Variants in PSAP observed in about 807,000 individuals in gnomAD.
The protein encoded by PSAP is precursor of saposins.
In PSAP, 25 loss-of-function variants were observed where a neutral mutation model predicts 66.0. The observed-to-expected ratio is 0.38, with a 90% CI of 0.28 to 0.53. The LOEUF is 0.53. Among genes scored for constraint, PSAP ranks in the 20% least tolerant of loss-of-function variants. The pLI, the probability that PSAP is intolerant of heterozygous loss-of-function variation, is 0.83. For synonymous variants in PSAP, 273 were observed against 258.9 expected (o/e 1.05, Z -0.52); for missense variants, 649 against 668.8 (o/e 0.97, Z 0.33).
intron 2 of PSAP, among the ~76,000 whole-genome samples, chr10:71,833,137 A>C (rs1842554175): frequency 6.6e-6 from 1 of 152,120 alleles, no homozygotes; most frequent in South Asian, 2.1e-4. Context: ...AGTATTAAAA[A>C]CAAGATTGAA....
Position 71,817,188 on chromosome 10 carries a change from C to A in PSAP, c.*253G>T. 1.7e-6 allele frequency: 1 copy of A among 577,954 alleles called. No individual in the cohort carries two copies. The highest frequency in any genetic ancestry group is 3.1e-6 in the Non-Finnish European group (1 of 322,904). 35.8% of individuals were successfully genotyped at this position (577,954 alleles called of 1,614,324 possible). ...TCCTCCAGCAGGCGCCATGCAAGGGCAGGCTAAAAGACCTCCAGTGCATCA... is the reference window on the plus strand; with the variant it reads ...TCCTCCAGCAGGCGCCATGCAAGGGAAGGCTAAAAGACCTCCAGTGCATCA... On this transcript the variant is annotated 3_prime_UTR_variant, in exon 14 of 14. Coordinates refer to ENST00000394936, the MANE Select transcript of PSAP (RefSeq NM_002778.4).
At chr10:71,838,922 C>G (rs573772790) in intron 1 of PSAP, among the ~76,000 whole-genome samples, 157 of 152,306 alleles carry the variant, frequency 1.0e-3, no homozygotes, top group Middle Eastern at 3.4e-3. Flanking sequence ...AGTCTTCACT[C>G]TAACAAGGCA....
Position 71,828,146 on chromosome 10 carries a change from G to A in PSAP, c.588C>T (p.Asp196=), listed in dbSNP as rs374869360. The A allele has an allele frequency of 1.3e-4, 204 of 1,614,106 alleles. No homozygotes were observed. In the South Asian group the frequency reaches 1.3e-3, roughly 11 times the overall value. Residue 196 remains aspartate (D), a synonymous_variant, in exon 6 of 14, where the codon GAC becomes GAT. Coordinates refer to ENST00000394936, the MANE Select transcript of PSAP (RefSeq NM_002778.4). ...RSKPQPKDNG[D]VCQDCIQMVT... is the part of the protein sequence containing the mutation. ...CCATCTGAATGCAGTCCTGGCAAAC[G>A]TCCCCATTATCCTACAGAAGAGGCA... is the stretch of plus-strand genomic sequence containing the variant.
chr10:71,825,808 T>C, intron 7 of PSAP, 29 bp downstream of exon 7: 1 of 1,594,776 alleles, frequency 6.3e-7, no homozygotes. Flanking sequence ...CAAAGAAAAA[T>C]GCTAACAAGG....
chr10:71,818,545 T>C, intron 13 of PSAP, 72 bp downstream of exon 13: 1 of 1,309,928 alleles, frequency 7.6e-7, no homozygotes, highest in Non-Finnish European at 1.1e-6. Context: ...TGGGTTCCCA[T>C]TAAAGCAGGA....
intron 9 of PSAP, 107 bp from the exon 10 acceptor site, chr10:71,820,007 G>T: frequency 9.3e-7 from 1 of 1,070,612 alleles, no homozygotes; most frequent in Non-Finnish European, 1.4e-6. Context: ...GGTGGGTGCC[G>T]TTTCCACCCA....
rs2133031527 is a variant in PSAP at position 71,819,751 on chromosome 10, C to A, written c.1155G>T (p.Leu385=). 1 of 1,614,130 alleles carries A rather than the reference C, an allele frequency of 6.2e-7. No individual in the cohort carries two copies. Among genetic ancestry groups the A allele is most frequent in the Non-Finnish European group, 8.5e-7 (1 of 1,180,038 alleles). Residue 385 remains leucine, a synonymous_variant, in exon 10 of 14, where the codon CTG becomes CTT. Coordinates refer to ENST00000394936, the MANE Select transcript of PSAP (RefSeq NM_002778.4). ...EVSPELVCSM[L]HLCSGTRLPA... ...GCAGCCGCGTGCCAGAGCAGAGGTG[C>A]AGCATGCTGCACACCAGCTCAGGGC... is the stretch of plus-strand genomic sequence containing the variant.
At chr10:71,820,617 C>A (rs1427439608) in intron 8 of PSAP, among the ~76,000 whole-genome samples, 3 of 152,100 alleles carry the variant, frequency 2.0e-5, no homozygotes, top group Non-Finnish European at 4.4e-5. Context: ...CCTTCCCCAC[C>A]CCGAAGAGCT....
chr10:71,847,517 C>G (rs1327602851), intron 1 of PSAP, among the ~76,000 whole-genome samples: 1 of 152,066 alleles, frequency 6.6e-6, no homozygotes, highest in Non-Finnish European at 1.5e-5. Flanking sequence ...CACTGCACAC[C>G]AGCCTGGGGA....
Position 71,821,579 on chromosome 10 carries a change from G to T in PSAP, c.909+297C>A, listed in dbSNP as rs1055299721. ...CAGACAGTGCATGTGAGAAGGTGAG[G>T]CTGAAGCCAGGCACTGCAAAGTCAC... On this transcript the variant is annotated intron_variant, in intron 8 of 13. Transcript: ENST00000394936. Among the ~76,000 whole-genome samples the T allele has an allele frequency of 1.6e-4, 25 of 152,210 alleles. 1 individual carries two copies. The highest frequency in any genetic ancestry group is 6.0e-4 in the African/African-American group (25 of 41,452).
chr10:71,820,308 CA>C lies in PSAP; in HGVS notation c.936del (p.Asp312GlufsTer11). ...IKKHEVPAKSDVYCEVCEFLV... is the reference protein window; with the variant it reads ...IKKHEVPAKSXVYCEVCEFLV... ...AGGAATTCACACACCTCACAGTAAACATCAGACTTTGCTGGGACCTCGTGCT... is the reference window on the plus strand; with the variant it reads ...AGGAATTCACACACCTCACAGTAAACTCAGACTTTGCTGGGACCTCGTGCT... On this transcript the variant is annotated frameshift_variant, in exon 9 of 14. Coordinates refer to ENST00000394936, the MANE Select transcript of PSAP (RefSeq NM_002778.4). LOFTEE classifies it high-confidence loss of function. 2 of 1,614,136 alleles carry C rather than the reference CA, an allele frequency of 1.2e-6. No individual in the cohort carries two copies. The highest frequency in any genetic ancestry group is 1.7e-6 in the Non-Finnish European group (2 of 1,179,988).
At chr10:71,835,434 T>C (rs1489859869) in intron 1 of PSAP, among the ~76,000 whole-genome samples, 2 of 151,816 alleles carry the variant, frequency 1.3e-5, no homozygotes, top group Admixed American at 1.3e-4. Context: ...TAGCCGGGCA[T>C]GGTAGCACGC....
At position 71,819,717 on chromosome 10, in the gene PSAP, T is replaced by A; in HGVS notation, c.1189A>T (p.Thr397Ser). 1 of 1,613,968 alleles carries A rather than the reference T, an allele frequency of 6.2e-7. No individual in the cohort carries two copies. The highest frequency in any genetic ancestry group is 1.7e-5 in the Admixed American group (1 of 60,018). The change falls in exon 10 of 14, where the codon ACC becomes TCC. Residue 397 changes from threonine to serine, a missense_variant. Physicochemically the swap from Thr to Ser is moderately conservative, Grantham distance 58 (BLOSUM62 1). Transcript: ENST00000394936. ...LCSGTRLPAL[T>S]VHVTQPKDGG... is the part of the protein sequence containing the mutation. ...CCGCACCACACCCAGCGCTCACCGG[T>A]CAGTGCAGGCAGCCGCGTGCCAGAG...
intron 2 of PSAP, among the ~76,000 whole-genome samples, chr10:71,833,015 T>TAAAAAA (rs1842548519): frequency 9.1e-5 from 3 of 33,058 alleles, no homozygotes; most frequent in Non-Finnish European, 2.5e-4. Context: ...AGAGTCCATC[T>TAAAAAA]CAAAAAAAAA....
At chr10:71,820,166 T>C (rs1842269801) in intron 9 of PSAP, 74 bp downstream of exon 9, 1 of 1,335,058 alleles carries the variant, frequency 7.5e-7, no homozygotes, top group South Asian at 1.2e-5. Flanking sequence ...CTCTCTCCTG[T>C]GGGACTTTCC....
intron 13 of PSAP, 63 bp from the exon 14 acceptor site, chr10:71,817,539 A>G (rs967542238): frequency 3.4e-5 from 51 of 1,512,000 alleles, no homozygotes; most frequent in Non-Finnish European, 4.3e-5. Context: ...CGGCCCATCA[A>G]TGTATCAGAT....
In PSAP at chr10:71,851,226, C is replaced by G; in HGVS notation, c.-5G>C. ...CAGGAGGAAGAGGGCGTACATAGCGCCGTCTGACTCCGCAGTCTGCAATGC... is the reference window on the plus strand; with the variant it reads ...CAGGAGGAAGAGGGCGTACATAGCGGCGTCTGACTCCGCAGTCTGCAATGC... On this transcript the variant is annotated 5_prime_UTR_variant, in exon 1 of 14. Transcript: ENST00000394936. 1.9e-6 allele frequency: 3 copies of G among 1,551,030 alleles called. No homozygotes were observed. Among genetic ancestry groups the G allele is most frequent in the African/African-American group, 2.7e-5 (2 of 73,180 alleles).
At position 71,851,231 on chromosome 10, in the gene PSAP, T is replaced by C. The variant is rs76455588; in HGVS notation, c.-10A>G. 2.7e-3 allele frequency: 4,139 copies of C among 1,551,020 alleles called. 48 individuals carry two copies. The African/African-American group carries it at 0.035, about 13-fold the overall frequency. On this transcript the variant is annotated 5_prime_UTR_variant, in exon 1 of 14. Transcript: ENST00000394936. ...GGAAGAGGGCGTACATAGCGCCGTC[T>C]GACTCCGCAGTCTGCAATGCGGAGC...
chr10:71,848,542 AAGG>A (rs957436542), intron 1 of PSAP, among the ~76,000 whole-genome samples: 2 of 152,090 alleles, frequency 1.3e-5, no homozygotes, highest in African/African-American at 4.8e-5. Context: ...GGTGGGGAAA[AAGG>A]AGGGGCAGCT....
Sources: allele counts gnomAD v4.1 joint callset (sites outside exome capture counted in the v4.1 genomes callset), GRCh38; gene constraint gnomAD v4.1.1; transcripts MANE v1.5; gene names NCBI Gene and HGNC (gene_info 2026-07-23, HGNC 2026-07-21).